TFB1M: variants seen among roughly 807,000 people sequenced by gnomAD.
TFB1M encodes transcription factor B1, mitochondrial.
TFB1M carries 27 observed loss-of-function variants against 31.1 expected under a neutral mutation model. The ratio of observed to expected loss-of-function variants is 0.87; its 90% CI spans 0.64 to 1.20. TFB1M has a LOEUF of 1.20. Ranked by LOEUF, TFB1M falls within the 50% of genes most tolerant of loss-of-function variation. The pLI, the probability that TFB1M is intolerant of heterozygous loss-of-function variation, is 0.00. For synonymous variants in TFB1M, 166 were observed against 151.8 expected (o/e 1.09, Z -0.69); for missense variants, 394 against 418.7 (o/e 0.94, Z 0.51).
intron 5 of TFB1M, among the ~76,000 whole-genome samples, chr6:155,272,374 C>T (rs1399011908): frequency 2.0e-5 from 3 of 152,160 alleles, no homozygotes; most frequent in South Asian, 2.1e-4. Context: ...TTTCTGTTGG[C>T]GAGTAGTTCA....
the TFB1M span, among the ~76,000 whole-genome samples, chr6:155,241,075 G>A: frequency 6.6e-6 from 1 of 152,214 alleles, no homozygotes; most frequent in Non-Finnish European, 1.5e-5. Context: ...GTACATACGT[G>A]ACGGCTGATC....
rs142820419 is a variant in TFB1M at position 155,314,360 on chromosome 6, C to T, written c.69G>A (p.Lys23=). ...PPLPTIREII[K]LLRLQAAKQL... is the part of the protein sequence containing the mutation. ...GCTTCGCTGCTTGCAGTCTTAACAACTTAATGATTTCTCGAATCGTGGGCA... is the reference window on the plus strand; with the variant it reads ...GCTTCGCTGCTTGCAGTCTTAACAATTTAATGATTTCTCGAATCGTGGGCA... Residue 23 remains lysine, a synonymous_variant, in exon 1 of 7, where the codon AAG becomes AAA. Coordinates refer to ENST00000367166, the MANE Select transcript of TFB1M (RefSeq NM_016020.4). The T allele has an allele frequency of 2.5e-6, 4 of 1,614,130 alleles. No individual in the cohort carries two copies. The highest frequency in any genetic ancestry group is 3.4e-6 in the Non-Finnish European group (4 of 1,180,052).
At chr6:155,308,128 A>G (rs1777867936) in intron 2 of TFB1M, among the ~76,000 whole-genome samples, 1 of 152,214 alleles carries the variant, frequency 6.6e-6, no homozygotes, top group African/African-American at 2.4e-5. Flanking sequence ...TCCTCTCCAC[A>G]GCACAGAGAA....
chr6:155,261,214 A>T (rs1054312639), intron 5 of TFB1M, among the ~76,000 whole-genome samples: 1 of 152,260 alleles, frequency 6.6e-6, no homozygotes, highest in African/African-American at 2.4e-5. Flanking sequence ...ACACACAAAA[A>T]TGCTAACGGA....
downstream of TFB1M, chr6:155,253,931 G>A (rs1293704661): frequency 6.6e-7 from 1 of 1,523,528 alleles, no homozygotes; most frequent in Non-Finnish European, 9.0e-7. Flanking sequence ...ACAGCATTTT[G>A]GGCAAAGTTG....
the TFB1M span, among the ~76,000 whole-genome samples, chr6:155,235,705 T>TG: frequency 1.3e-5 from 2 of 152,272 alleles, no homozygotes; most frequent in African/African-American, 4.8e-5. Flanking sequence ...AAGGTGGCTT[T>TG]CTAGCACTTG....
At chr6:155,236,237 C>T in the TFB1M span, among the ~76,000 whole-genome samples, 1 of 151,838 alleles carries the variant, frequency 6.6e-6, no homozygotes, top group Admixed American at 6.6e-5. Flanking sequence ...AGTGGGGACC[C>T]TGGGACAGGT....
At chr6:155,273,378 T>C (rs1785031021) in intron 5 of TFB1M, among the ~76,000 whole-genome samples, 2 of 152,208 alleles carry the variant, frequency 1.3e-5, no homozygotes, top group Non-Finnish European at 2.9e-5. Context: ...ACAATCCAGA[T>C]AGTCTAGGAT....
chr6:155,233,732 G>A, the TFB1M span, among the ~76,000 whole-genome samples: 2 of 152,172 alleles, frequency 1.3e-5, no homozygotes, highest in Non-Finnish European at 2.9e-5. Flanking sequence ...AGTTTGGTGG[G>A]AGGATCGCTG....
intron 2 of TFB1M, among the ~76,000 whole-genome samples, chr6:155,302,376 T>C (rs1293289025): frequency 6.6e-6 from 1 of 152,162 alleles, no homozygotes; most frequent in Non-Finnish European, 1.5e-5. Context: ...TAAAATATAG[T>C]AGGTGAAAGA....
intron 4 of TFB1M, among the ~76,000 whole-genome samples, chr6:155,286,136 C>G (rs1257023914): frequency 6.6e-6 from 1 of 151,938 alleles, no homozygotes; most frequent in East Asian, 1.9e-4. Context: ...GTAGCAACTG[C>G]TAACAGAAAA....
downstream of TFB1M, chr6:155,254,029 C>T (rs147206524): frequency 2.2e-5 from 36 of 1,613,938 alleles, no homozygotes; most frequent in Middle Eastern, 3.3e-4. Flanking sequence ...AATAGAAGGA[C>T]GGCCAGAAAC....
intron 6 of TFB1M, among the ~76,000 whole-genome samples, chr6:155,258,410 T>C (rs890852145): frequency 6.6e-6 from 1 of 152,236 alleles, no homozygotes; most frequent in Non-Finnish European, 1.5e-5. Flanking sequence ...AAGCTTGATG[T>C]GCCTCATGTT....
At chr6:155,275,556 G>A in intron 5 of TFB1M, 4 of 686,320 alleles carry the variant, frequency 5.8e-6, no homozygotes, top group South Asian at 5.5e-5. Context: ...TACTCTAAAG[G>A]GAAGCCTTTT....
At chr6:155,298,776 G>C (rs1159511903) in intron 2 of TFB1M, among the ~76,000 whole-genome samples, 191 bp from the exon 3 acceptor site, 13 of 152,120 alleles carry the variant, frequency 8.5e-5, no homozygotes, top group Non-Finnish European at 1.9e-4. Context: ...ACCTATGAAT[G>C]ATTAGGGATA....
At chr6:155,312,529 C>T (rs1778058045) in intron 1 of TFB1M, among the ~76,000 whole-genome samples, 2 of 152,194 alleles carry the variant, frequency 1.3e-5, no homozygotes. Flanking sequence ...TACTCTCCTT[C>T]TTTAAAATGG....
intron 5 of TFB1M, among the ~76,000 whole-genome samples, chr6:155,282,333 T>C (rs1047959933): frequency 1.3e-5 from 2 of 152,192 alleles, no homozygotes; most frequent in Non-Finnish European, 2.9e-5. Context: ...AGTTCAATGG[T>C]AGTGAAAGTT....
At chr6:155,314,254 G>A in intron 1 of TFB1M, 42 bp downstream of exon 1, 5 of 1,609,576 alleles carry the variant, frequency 3.1e-6, no homozygotes, top group Non-Finnish European at 4.2e-6. Context: ...CGCCCCCACG[G>A]ACACTGGGGA....
the TFB1M span, among the ~76,000 whole-genome samples, chr6:155,233,836 G>A: frequency 2.6e-5 from 4 of 152,012 alleles, no homozygotes; most frequent in Admixed American, 1.3e-4. Flanking sequence ...GGTGGCATGC[G>A]CCTGGAGTTC....
Sources: allele counts gnomAD v4.1 joint callset (sites outside exome capture counted in the v4.1 genomes callset), GRCh38; gene constraint gnomAD v4.1.1; transcripts MANE v1.5; gene names NCBI Gene and HGNC (gene_info 2026-07-23, HGNC 2026-07-21).